Variants in SYNE1 observed in about 807,000 individuals in gnomAD.
The protein encoded by SYNE1 is spectrin repeat containing nuclear envelope protein 1.
SYNE1 carries 616 observed loss-of-function variants against 1,111.0 expected under a neutral mutation model. The ratio of observed to expected loss-of-function variants is 0.55; its 90% CI spans 0.52 to 0.59. The LOEUF (loss-of-function observed/expected upper bound fraction) is 0.59, where lower values mean the gene tolerates loss of function less well. Among genes scored for constraint, SYNE1 ranks in the 20% least tolerant of loss-of-function variants. SYNE1 has a pLI of 0.00. For missense variants in SYNE1, 10,006 were observed against 10,417.0 expected (o/e 0.96, Z 1.72); for synonymous variants, 3,855 against 3,825.8 (o/e 1.01, Z -0.28).
intron 117 of SYNE1, 25 bp from the exon 118 acceptor site, chr6:152,221,584 A>G: frequency 1.9e-6 from 3 of 1,613,364 alleles, no homozygotes; most frequent in Non-Finnish European, 2.5e-6. Flanking sequence ...AGACCCATAG[A>G]TGACATAACA....
intron 3 of SYNE1, among the ~76,000 whole-genome samples, chr6:152,601,795 A>C (rs1214562308): frequency 6.6e-6 from 1 of 152,224 alleles, no homozygotes; most frequent in Non-Finnish European, 1.5e-5. Context: ...GCAGTAGATG[A>C]AATGAGAACA....
intron 3 of SYNE1, among the ~76,000 whole-genome samples, chr6:152,582,492 C>T (rs923082575): frequency 2.0e-5 from 3 of 151,910 alleles, no homozygotes; most frequent in Non-Finnish European, 4.4e-5. Flanking sequence ...TATACACACA[C>T]ACATATATTA....
intron 127 of SYNE1, 150 bp from the exon 128 acceptor site, chr6:152,189,557 T>G: frequency 1.4e-6 from 1 of 739,372 alleles, no homozygotes; most frequent in East Asian, 2.7e-5. Context: ...ATGGCAATAT[T>G]ACAGATTTGG....
At chr6:152,225,111 T>A (rs2081235672) in intron 116 of SYNE1, among the ~76,000 whole-genome samples, 1 of 151,756 alleles carries the variant, frequency 6.6e-6, no homozygotes, top group East Asian at 1.9e-4. Context: ...ATGATCATTA[T>A]CCCCATTTTA....
At chr6:152,190,511 T>C (rs2071944592) in intron 127 of SYNE1, among the ~76,000 whole-genome samples, 1 of 152,228 alleles carries the variant, frequency 6.6e-6, no homozygotes, top group Non-Finnish European at 1.5e-5. Flanking sequence ...GTATATGAGA[T>C]ATTTTAATAG....
rs369396508 is a variant in SYNE1 at position 152,571,177 on chromosome 6, T to C, written c.68-31156A>G. Among the ~76,000 whole-genome samples the C allele has an allele frequency of 7.9e-5, 12 of 152,366 alleles. No homozygotes were observed. The South Asian group carries it at 2.1e-3, about 26-fold the overall frequency. ...CATTACCTTACAATGTGTTCCATTC[T>C]GAGGTTTCTTTTAACCCAATGGAAT... is the stretch of plus-strand genomic sequence containing the variant. On this transcript the variant is annotated intron_variant, in intron 3 of 145. Coordinates refer to ENST00000367255, the MANE Select transcript of SYNE1 (RefSeq NM_182961.4).
intron 24 of SYNE1, among the ~76,000 whole-genome samples, chr6:152,454,099 C>T (rs922709162): frequency 6.6e-6 from 1 of 152,200 alleles, no homozygotes; most frequent in African/African-American, 2.4e-5. Context: ...GACTAAGCTT[C>T]ATAATTCCAC....
intron 58 of SYNE1, among the ~76,000 whole-genome samples, chr6:152,375,719 T>A (rs183332470): frequency 3.1e-4 from 47 of 152,348 alleles, no homozygotes; most frequent in Admixed American, 2.8e-3. Flanking sequence ...CAAATTTACA[T>A]ACCTGAAATG....
At position 152,236,239 on chromosome 6, in the gene SYNE1, C is replaced by G; in HGVS notation, c.20264G>C (p.Arg6755Pro). 1 of 1,614,034 alleles carries G rather than the reference C, an allele frequency of 6.2e-7. No homozygotes were observed. The highest frequency in any genetic ancestry group is 2.2e-5 in the East Asian group (1 of 44,868). The part of the protein sequence containing the change: ...KLYQVLDDGK[R>P]LLISISCSDL... ...TGAGCAGCTGATGGATATCAGAAGT[C>G]GTTTCCCATCATCTAATACTTGATA... Residue 6755 changes from arginine (R) to proline (P), a missense_variant, in exon 110 of 146, where the codon CGA (arginine) becomes CCA (proline). Physicochemically the swap from Arg to Pro is moderately radical, Grantham distance 103. Transcript: ENST00000367255.
At chr6:152,584,694 C>T (rs2099531735) in intron 3 of SYNE1, among the ~76,000 whole-genome samples, 1 of 152,224 alleles carries the variant, frequency 6.6e-6, no homozygotes, top group Non-Finnish European at 1.5e-5. Context: ...TGAGCCACTG[C>T]ACCCGGCCTT....
At chr6:152,233,525 G>A (rs1233129142) in intron 112 of SYNE1, among the ~76,000 whole-genome samples, 1 of 151,986 alleles carries the variant, frequency 6.6e-6, no homozygotes, top group East Asian at 1.9e-4. Context: ...GGGTTTCACC[G>A]TGTTGCCCAG....
intron 41 of SYNE1, among the ~76,000 whole-genome samples, chr6:152,413,877 T>C (rs2098111312): frequency 1.3e-5 from 2 of 152,202 alleles, no homozygotes; most frequent in East Asian, 1.9e-4. Context: ...TGTAAAATCT[T>C]TGGTAAGAAA....
At chr6:152,564,239 C>T (rs2099404047) in intron 3 of SYNE1, among the ~76,000 whole-genome samples, 1 of 152,058 alleles carries the variant, frequency 6.6e-6, no homozygotes, top group Admixed American at 6.6e-5. Flanking sequence ...AAAACACCAC[C>T]ACAAACAAAA....
chr6:152,587,857 G>A (rs532385171), intron 3 of SYNE1, among the ~76,000 whole-genome samples: 13 of 152,200 alleles, frequency 8.5e-5, no homozygotes, highest in East Asian at 1.9e-4. Flanking sequence ...ACCATTGTCC[G>A]GAAGAAATTC....
chr6:152,182,420 A>C (rs1475258870), intron 128 of SYNE1, among the ~76,000 whole-genome samples: 1 of 152,152 alleles, frequency 6.6e-6, no homozygotes, highest in Non-Finnish European at 1.5e-5. Flanking sequence ...TTTTACCCCC[A>C]ACATTTTATT....
intron 55 of SYNE1, among the ~76,000 whole-genome samples, chr6:152,382,145 A>G (rs1417045708): frequency 6.6e-6 from 1 of 152,254 alleles, no homozygotes; most frequent in Non-Finnish European, 1.5e-5. Flanking sequence ...CATTTCTGAG[A>G]ATAGATTCTC....
chr6:152,347,295 C>A (rs2096654288), intron 72 of SYNE1, 60 bp from the exon 73 acceptor site: 1 of 1,580,154 alleles, frequency 6.3e-7, no homozygotes, highest in Non-Finnish European at 8.7e-7. Context: ...ACTTATCCAT[C>A]AAAGTTTAAG....
chr6:152,219,009 T>C lies in SYNE1; in HGVS notation c.22038A>G (p.Ser7346=), dbSNP rs201392317. The C allele has an allele frequency of 7.9e-5, 127 of 1,613,978 alleles. No homozygotes were observed. The highest frequency in any genetic ancestry group is 1.0e-4 in the Non-Finnish European group (122 of 1,179,986). The change falls in exon 120 of 146, where the codon TCA becomes TCG. Residue 7346 remains serine, a synonymous_variant. Transcript: ENST00000367255. ...CTAAATAGGAGCTCTGTACCTGTAA[T>C]GAAGTCTGCTGTTTGCAGAGAGCTT... ...LEQALCKQQT[S]LQAGVLDYET...
chr6:152,184,631 T>TATATATAGATAG (rs763006040), intron 128 of SYNE1, among the ~76,000 whole-genome samples: 29 of 143,026 alleles, frequency 2.0e-4, no homozygotes, highest in South Asian at 8.9e-4. Context: ...TATACACATA[T>TATATATAGATAG]ATAGATAGAT....
Sources: allele counts gnomAD v4.1 joint callset (sites outside exome capture counted in the v4.1 genomes callset), GRCh38; gene constraint gnomAD v4.1.1; transcripts MANE v1.5; gene names NCBI Gene and HGNC (gene_info 2026-07-23, HGNC 2026-07-21).